The following TSPAN1 variants were observed in gnomAD, a reference collection of about 807,000 sequenced individuals.
TSPAN1 encodes the protein tetraspanin-1.
A neutral mutation model predicts 26.9 loss-of-function variants in TSPAN1; 23 were observed. The observed-to-expected ratio is 0.85, with a 90% confidence interval of 0.62 to 1.21. The LOEUF is 1.21. Ranked by LOEUF, TSPAN1 falls within the 50% of genes most tolerant of loss-of-function variation. The pLI, the probability that TSPAN1 is intolerant of heterozygous loss-of-function variation, is 0.00. For synonymous variants in TSPAN1, 115 were observed against 114.8 expected (o/e 1.00, Z -0.01); for missense variants, 283 against 298.4 (o/e 0.95, Z 0.38).
At chr1:46,179,281 C>T (rs1451502375) in intron 1 of TSPAN1, among the ~76,000 whole-genome samples, 1 of 151,250 alleles carries the variant, frequency 6.6e-6, no homozygotes, top group African/African-American at 2.4e-5. Context: ...CCACTACACT[C>T]CAACCTGGGC....
downstream of TSPAN1, among the ~76,000 whole-genome samples, chr1:46,188,167 CAGAT>C (rs1657479376): frequency 1.3e-5 from 2 of 152,140 alleles, no homozygotes. Flanking sequence ...CAAAAATGCC[CAGAT>C]AGAGAATTCT....
At chr1:46,193,782 G>A in the TSPAN1 span, 2 of 1,604,144 alleles carry the variant, frequency 1.2e-6, no homozygotes, top group Non-Finnish European at 1.7e-6. Context: ...CCCACCTCAA[G>A]AGTTCCTCCT....
At chr1:46,196,201 G>C in the TSPAN1 span, 1 of 1,554,138 alleles carries the variant, frequency 6.4e-7, no homozygotes, top group African/African-American at 1.4e-5. This position sits in a 1 kb window ranked among gnomAD's most constrained non-coding sequence, Gnocchi z 4.4. Context: ...TGTTCACACA[G>C]TTCTTTTCCA....
At position 46,185,007 on chromosome 1, in the gene TSPAN1, C is replaced by T. The variant is rs1557665955; in HGVS notation, c.486C>T (p.Pro162=). The T allele has an allele frequency of 6.2e-7, 1 of 1,614,064 alleles. No individual in the cohort carries two copies. ...FTNYTDFEDS[P]YFKENSAFPP... is the part of the protein sequence containing the mutation. Reference sequence around the variant, plus strand: ...ACTATACGGATTTTGAGGACTCACCCTACTTCAAAGAGAACAGTGCCTTTC... The same window carrying T: ...ACTATACGGATTTTGAGGACTCACCTTACTTCAAAGAGAACAGTGCCTTTC... Residue 162 remains proline (P), a synonymous_variant, in exon 7 of 9, where the codon CCC becomes CCT. Coordinates refer to ENST00000372003, the MANE Select transcript of TSPAN1 (RefSeq NM_005727.4).
rs371861627 is a variant in TSPAN1, at chr1:46,185,306, G to C, written c.676G>C (p.Glu226Gln). The change falls in exon 8 of 9, where the codon GAG becomes CAG. Residue 226 changes from glutamate (E) to glutamine (Q), a missense_variant and splice_region_variant. Coordinates refer to ENST00000372003, the MANE Select transcript of TSPAN1 (RefSeq NM_005727.4). Reference protein sequence around the residue: ...GGVAAGIGGLELAAMIVSMYL... With the variant: ...GGVAAGIGGLQLAAMIVSMYL... The stretch of plus-strand genomic sequence containing the variant: ...TGTGGCAGCTGGAATTGGGGGCCTC[G>C]AGGTAAGCAGATGAGGAGGCTGGGA... The C allele has an allele frequency of 2.5e-6, 4 of 1,613,890 alleles. No individual in the cohort carries two copies. The highest frequency in any genetic ancestry group is 1.3e-5 in the African/African-American group (1 of 74,912).
rs999420734 is a variant in TSPAN1 at position 46,175,390 on chromosome 1, G to A, written c.-161G>A. 4.4e-5 allele frequency: 17 copies of A among 388,784 alleles called. No individual in the cohort carries two copies. The highest frequency in any genetic ancestry group is 1.2e-4 in the African/African-American group (6 of 48,344). The allele number at this position is 388,784 out of a possible 1,614,324, so 24.1% of individuals were successfully genotyped here. On this transcript the variant is annotated 5_prime_UTR_variant, in exon 1 of 9. Transcript: ENST00000372003. ...TGTCTTAAACTATGATCCCTGCTGCGGTCACTGAAGCCTTTCCCTGTAAGT... is the reference window on the plus strand; with the variant it reads ...TGTCTTAAACTATGATCCCTGCTGCAGTCACTGAAGCCTTTCCCTGTAAGT...
At chr1:46,190,415 A>C, downstream of TSPAN1, 1 of 1,519,296 alleles carries the variant, frequency 6.6e-7, no homozygotes, top group Non-Finnish European at 9.1e-7. Flanking sequence ...TATGGGGCCA[A>C]GATCCCCAGT....
rs1657174058 is a variant in TSPAN1, at chr1:46,176,531, C to T, written c.-142+1122C>T. 3.9e-6 allele frequency: 6 copies of T among 1,520,730 alleles called. No individual in the cohort carries two copies. The South Asian group carries it at 6.1e-5, about 15-fold the overall frequency. The allele number at this position is 1,520,730 out of a possible 1,614,324, so 94.2% of individuals were successfully genotyped here. A position where few individuals can be genotyped will look rare whatever the true frequency, so the allele number is the denominator to read the frequency against. On this transcript the variant is annotated intron_variant, in intron 1 of 8. Transcript: ENST00000372003. Reference sequence around the variant, plus strand: ...TGCTGTTGGCCAGGGTAGCTGAGGCCTCTATGACATACAAAGTCTGCATAA... The same window carrying T: ...TGCTGTTGGCCAGGGTAGCTGAGGCTTCTATGACATACAAAGTCTGCATAA...
chr1:46,176,502 G>C (rs1243616624), intron 1 of TSPAN1: 2 of 1,533,572 alleles, frequency 1.3e-6, no homozygotes, highest in Admixed American at 2.0e-5. Context: ...GTGTGCCTGG[G>C]GGGTGCTGTT....
chr1:46,183,143 G>A (rs1657350513), intron 3 of TSPAN1, among the ~76,000 whole-genome samples: 1 of 152,202 alleles, frequency 6.6e-6, no homozygotes, highest in Non-Finnish European at 1.5e-5. Context: ...TGTATCTGGA[G>A]GAAGCAATAG....
the TSPAN1 span, chr1:46,196,059 G>A: frequency 8.1e-6 from 13 of 1,613,906 alleles, no homozygotes; most frequent in Admixed American, 3.3e-5. This position sits in a 1 kb window ranked among gnomAD's most constrained non-coding sequence, Gnocchi z 4.4. Context: ...CCCTGCTCCC[G>A]GGCCTCATCC....
chr1:46,196,034 A>T, the TSPAN1 span: 1 of 1,614,030 alleles, frequency 6.2e-7, no homozygotes, highest in East Asian at 2.2e-5. The surrounding 1 kb of genome is among the most constrained non-coding windows in gnomAD (Gnocchi z 4.4). Flanking sequence ...GAGGACAATG[A>T]CATGGATGCC....
chr1:46,189,059 C>T (rs1657533841), downstream of TSPAN1: 1 of 1,529,322 alleles, frequency 6.5e-7, no homozygotes. Context: ...CTGCCCTTCT[C>T]CAACAAGGAA....
chr1:46,182,254 G>A (rs1177451487), intron 3 of TSPAN1, among the ~76,000 whole-genome samples: 1 of 126,514 alleles, frequency 7.9e-6, no homozygotes, highest in Non-Finnish European at 1.6e-5. Flanking sequence ...GGGAGTGGAT[G>A]AGAACACTTG....
the TSPAN1 span, chr1:46,192,591 C>T: frequency 6.2e-7 from 1 of 1,613,968 alleles, no homozygotes; most frequent in Non-Finnish European, 8.5e-7. Flanking sequence ...GCTCAGGAAA[C>T]TGAGAGAGGC....
chr1:46,196,141 G>C, the TSPAN1 span: 1 of 1,611,254 alleles, frequency 6.2e-7, no homozygotes, highest in South Asian at 1.1e-5. The surrounding 1 kb of genome is among the most constrained non-coding windows in gnomAD (Gnocchi z 4.4). Context: ...TCTGTCTTAG[G>C]GGTACTTAAA....
chr1:46,185,509 G>A lies in TSPAN1; in HGVS notation c.702G>A (p.Met234Ile), dbSNP rs376073263. Residue 234 changes from methionine (M) to isoleucine (I), a missense_variant, in exon 9 of 9, where the codon ATG becomes ATA. Physicochemically the swap from Met to Ile is conservative, Grantham distance 10. Coordinates refer to ENST00000372003, the MANE Select transcript of TSPAN1 (RefSeq NM_005727.4). ...GLELAAMIVS[M>I]YLYCNLQ ...AGCTGGCTGCCATGATTGTGTCCAT[G>A]TATCTGTACTGCAATCTACAATAAG... The A allele has an allele frequency of 1.5e-5, 24 of 1,614,206 alleles. No homozygotes were observed. The East Asian group carries it at 4.2e-4, about 28-fold the overall frequency.
chr1:46,188,280 C>G (rs1460667605), downstream of TSPAN1, among the ~76,000 whole-genome samples: 1 of 152,184 alleles, frequency 6.6e-6, no homozygotes, highest in East Asian at 1.9e-4. Flanking sequence ...AGTCCTGTCC[C>G]ATCCACTTCC....
the TSPAN1 span, chr1:46,194,843 C>A: frequency 5.6e-6 from 9 of 1,614,038 alleles, no homozygotes; most frequent in African/African-American, 1.3e-5. Flanking sequence ...GATGCCGGCA[C>A]CTCCTTTTCG....
Sources: gnomAD v4.1 joint callset for allele counts (sites outside exome capture counted in the v4.1 genomes callset) on GRCh38, gnomAD v4.1.1 for gene constraint, Gnocchi (gnomAD v3.1) non-coding constraint, MANE v1.5 for transcripts, NCBI Gene and HGNC (gene_info 2026-07-23, HGNC 2026-07-21) for gene names.